CUL2: variants seen among roughly 807,000 people sequenced by gnomAD.
CUL2 encodes the protein cullin-2.
CUL2 carries 22 observed loss-of-function variants against 110.2 expected under a neutral mutation model. That is an observed-to-expected ratio of 0.20 (90% CI 0.14 to 0.28). CUL2 has a LOEUF of 0.28. Ranked by LOEUF, CUL2 falls within the 10% of genes least tolerant of loss-of-function variation. The pLI is 1.00. For missense variants in CUL2, 631 were observed against 905.5 expected (o/e 0.70, Z 3.89); for synonymous variants, 279 against 293.2 (o/e 0.95, Z 0.49).
intron 19 of CUL2, among the ~76,000 whole-genome samples, chr10:35,013,323 C>A (rs974085052): frequency 7.3e-6 from 1 of 137,598 alleles, no homozygotes; most frequent in Middle Eastern, 4.3e-3. Flanking sequence ...CCAGCCTGGG[C>A]GAGAGAGCAA....
intron 2 of CUL2, among the ~76,000 whole-genome samples, chr10:35,069,877 C>T (rs530246686): frequency 4.0e-4 from 61 of 152,322 alleles, no homozygotes; most frequent in African/African-American, 1.4e-3. Context: ...CACTAACACA[C>T]AAGTAGCAAC....
intron 1 of CUL2, among the ~76,000 whole-genome samples, chr10:35,122,306 C>T (rs2087687376): frequency 6.6e-6 from 1 of 152,188 alleles, no homozygotes; most frequent in South Asian, 2.1e-4. Context: ...ATCTTGAGAT[C>T]TGTGGTCTAG....
At chr10:35,042,367 A>G (rs185092942) in intron 8 of CUL2, among the ~76,000 whole-genome samples, 1 of 152,276 alleles carries the variant, frequency 6.6e-6, no homozygotes, top group East Asian at 1.9e-4. Context: ...TGGTGTTGTG[A>G]TATGTAAGTA....
intron 1 of CUL2, among the ~76,000 whole-genome samples, chr10:35,080,475 T>G (rs2086921118): frequency 6.8e-6 from 1 of 146,764 alleles, no homozygotes; most frequent in African/African-American, 2.6e-5. Context: ...ATTTATTTAT[T>G]TATTTTTGAG....
intron 1 of CUL2, among the ~76,000 whole-genome samples, chr10:35,086,575 C>T (rs1366761350): frequency 1.3e-5 from 2 of 152,062 alleles, no homozygotes; most frequent in African/African-American, 2.4e-5. Context: ...GCCTGAGCCA[C>T]CGTACGTGGC....
chr10:35,123,942 G>A (rs948825236), intron 1 of CUL2, among the ~76,000 whole-genome samples: 3 of 152,208 alleles, frequency 2.0e-5, no homozygotes, highest in Non-Finnish European at 4.4e-5. Context: ...TGATGTCCAA[G>A]GACAGAAAAT....
At chr10:35,033,839 G>A (rs1316298166) in intron 10 of CUL2, among the ~76,000 whole-genome samples, 1 of 151,418 alleles carries the variant, frequency 6.6e-6, no homozygotes, top group Non-Finnish European at 1.5e-5. Flanking sequence ...CCTGTCAGAA[G>A]AACCCACCAA....
upstream of CUL2, among the ~76,000 whole-genome samples, chr10:35,093,348 A>T (rs541792305): frequency 1.3e-5 from 2 of 152,204 alleles, no homozygotes; most frequent in East Asian, 3.9e-4. Context: ...TCTGGCCATT[A>T]CAATGGAAGG....
chr10:35,065,324 A>G (rs967150210), intron 2 of CUL2, among the ~76,000 whole-genome samples: 1 of 152,314 alleles, frequency 6.6e-6, no homozygotes. Context: ...GCAGATCACC[A>G]GGTCAAGAGA....
chr10:35,089,600 T>C (rs937582725), intron 1 of CUL2, among the ~76,000 whole-genome samples: 1 of 152,222 alleles, frequency 6.6e-6, no homozygotes, highest in African/African-American at 2.4e-5. Context: ...CACAGATGTT[T>C]TATTTGCATG....
At chr10:35,022,932 C>T (rs1205424138) in intron 17 of CUL2, among the ~76,000 whole-genome samples, 3 of 152,158 alleles carry the variant, frequency 2.0e-5, no homozygotes. Context: ...GTAATCCCAG[C>T]TACTCAGAAG....
chr10:35,087,008 G>A (rs2087081651), intron 1 of CUL2, among the ~76,000 whole-genome samples: 1 of 152,130 alleles, frequency 6.6e-6, no homozygotes, highest in African/African-American at 2.4e-5. Context: ...GGATGACAAG[G>A]GTACAAGAAG....
chr10:35,115,517 G>A (rs986004738), intron 1 of CUL2, among the ~76,000 whole-genome samples: 12 of 152,108 alleles, frequency 7.9e-5, no homozygotes, highest in African/African-American at 1.2e-4. Context: ...CTGAGATCGC[G>A]CCACTACACT....
At chr10:35,084,518 T>A (rs2087014946) in intron 1 of CUL2, among the ~76,000 whole-genome samples, 1 of 152,116 alleles carries the variant, frequency 6.6e-6, no homozygotes, top group Admixed American at 6.6e-5. Context: ...AAGCCAAATA[T>A]AAAGTACTGA....
chr10:35,092,252 G>A (rs771648401), upstream of CUL2, among the ~76,000 whole-genome samples: 1 of 152,212 alleles, frequency 6.6e-6, no homozygotes, highest in Non-Finnish European at 1.5e-5. Context: ...CACCATGCCT[G>A]GCCTCCTCTG....
At chr10:35,107,774 C>T (rs779206135) in intron 1 of CUL2, among the ~76,000 whole-genome samples, 4 of 148,492 alleles carry the variant, frequency 2.7e-5, no homozygotes, top group Non-Finnish European at 4.4e-5. Flanking sequence ...CCCAGCAACT[C>T]GGGAGGCTGA....
chr10:35,074,282 G>T, intron 1 of CUL2: 1 of 1,244,314 alleles, frequency 8.0e-7, no homozygotes, highest in Non-Finnish European at 1.1e-6. Flanking sequence ...GGGCTCAACT[G>T]CAACATGGCA....
intron 16 of CUL2, among the ~76,000 whole-genome samples, chr10:35,028,153 T>C (rs767122278): frequency 1.1e-4 from 17 of 152,190 alleles, no homozygotes; most frequent in African/African-American, 1.7e-4. Context: ...GTCTGCCCCA[T>C]CCAATGAATG....
At chr10:35,039,854 CA>C (rs1303406689) in intron 8 of CUL2, among the ~76,000 whole-genome samples, 2 of 149,486 alleles carry the variant, frequency 1.3e-5, no homozygotes, top group African/African-American at 2.5e-5. Flanking sequence ...GACACTGTCT[CA>C]AAAAAATAAA....
Sources: allele counts gnomAD v4.1 joint callset (sites outside exome capture counted in the v4.1 genomes callset), GRCh38; gene constraint gnomAD v4.1.1; transcripts MANE v1.5; gene names NCBI Gene and HGNC (gene_info 2026-07-23, HGNC 2026-07-21).